The following TRERF1 variants were observed in gnomAD, a reference collection of about 807,000 sequenced individuals.
TRERF1 encodes transcriptional-regulating factor 1.
In TRERF1, 27 loss-of-function variants were observed where a neutral mutation model predicts 122.9. The observed-to-expected ratio is 0.22, with a 90% CI of 0.16 to 0.30. The LOEUF (loss-of-function observed/expected upper bound fraction) is 0.30, where lower values mean the gene tolerates loss of function less well. TRERF1 is among the 10% of genes least tolerant of loss of function. The pLI, the probability that TRERF1 is intolerant of heterozygous loss-of-function variation, is 1.00. For missense variants in TRERF1, 1,248 were observed against 1,560.3 expected, an observed-to-expected ratio of 0.80 and a Z score of 3.37; for synonymous variants, 636 against 641.7, an observed-to-expected ratio of 0.99 and a Z score of 0.13.
chr6:42,388,881 T>C (rs946260954), intron 2 of TRERF1, among the ~76,000 whole-genome samples: 1 of 151,578 alleles, frequency 6.6e-6, no homozygotes, highest in Admixed American at 6.6e-5. Flanking sequence ...AAAACAGAAA[T>C]GAAACCACAG....
intron 3 of TRERF1, among the ~76,000 whole-genome samples, chr6:42,354,799 C>T (rs1460082199): frequency 6.6e-6 from 1 of 152,004 alleles, no homozygotes; most frequent in African/African-American, 2.4e-5. Flanking sequence ...TTTTAATATC[C>T]AATAGATCTA....
At chr6:42,356,468 G>A (rs1214041225) in intron 3 of TRERF1, among the ~76,000 whole-genome samples, 2 of 152,222 alleles carry the variant, frequency 1.3e-5, no homozygotes, top group Non-Finnish European at 1.5e-5. Flanking sequence ...ACAGCAAGAT[G>A]GCTCTCACTC....
intron 2 of TRERF1, among the ~76,000 whole-genome samples, chr6:42,384,741 A>G (rs763938306): frequency 3.9e-5 from 6 of 152,054 alleles, no homozygotes; most frequent in Admixed American, 3.3e-4. Context: ...CTCTATTCCT[A>G]TAAGTACCCA....
chr6:42,409,723 T>C (rs1396999127), intron 2 of TRERF1, among the ~76,000 whole-genome samples: 1 of 152,248 alleles, frequency 6.6e-6, no homozygotes, highest in East Asian at 1.9e-4. Context: ...TATATTGTTA[T>C]GACAAGCATC....
intron 2 of TRERF1, among the ~76,000 whole-genome samples, chr6:42,427,112 G>A (rs1783732816): frequency 6.6e-6 from 1 of 151,722 alleles, no homozygotes; most frequent in Non-Finnish European, 1.5e-5. Context: ...CTTGAGGCCA[G>A]AAGCTCGAGA....
chr6:42,347,938 G>C (rs960200452), intron 3 of TRERF1, among the ~76,000 whole-genome samples: 50 of 152,210 alleles, frequency 3.3e-4, no homozygotes, highest in African/African-American at 1.2e-3. Context: ...ACAGGTATCT[G>C]TGATTTTTCT....
At chr6:42,381,895 G>C (rs1562103199) in intron 2 of TRERF1, among the ~76,000 whole-genome samples, 1 of 149,594 alleles carries the variant, frequency 6.7e-6, no homozygotes. Context: ...CCACAGGACT[G>C]AAGAGGAGGG....
chr6:42,403,204 A>G lies in TRERF1; in HGVS notation c.-453-40125T>C, dbSNP rs889629490. On this transcript the variant is annotated intron_variant, in intron 2 of 17. Coordinates refer to ENST00000372922, the Ensembl canonical transcript of TRERF1. ...GTGGGAGGGAAATAAGGCCCAAAAA[A>G]GCAGGTAAAAACGAGGCTGGTGCTA... is the stretch of plus-strand genomic sequence containing the variant. Among the ~76,000 whole-genome samples the G allele has an allele frequency of 3.3e-5, 5 of 152,252 alleles. No individual in the cohort carries two copies. The East Asian group carries it at 9.7e-4, about 29-fold the overall frequency.
intron 17 of TRERF1, among the ~76,000 whole-genome samples, chr6:42,230,774 T>G (rs1393967634): frequency 6.6e-6 from 1 of 152,088 alleles, no homozygotes; most frequent in Non-Finnish European, 1.5e-5. Flanking sequence ...TCCCTGTGCT[T>G]CATGGGGGGA....
intron 15 of TRERF1, among the ~76,000 whole-genome samples, chr6:42,239,856 TTTC>T (rs1418346698): frequency 1.3e-5 from 2 of 151,666 alleles, no homozygotes; most frequent in East Asian, 3.9e-4. Flanking sequence ...TAATCAAGAT[TTTC>T]TTGTTTTTTT....
rs148576927 is a variant in TRERF1, at chr6:42,309,477, G to A, written c.-370-8728C>T. On this transcript the variant is annotated intron_variant, in intron 3 of 17. Coordinates refer to ENST00000372922, the Ensembl canonical transcript of TRERF1. ...CTTCAACAAGCTCTTTCAGGCAGCA[G>A]GAATCTCATCTCTGTGTTATATGTG... is the stretch of plus-strand genomic sequence containing the variant. Among the ~76,000 whole-genome samples, 28 of 152,344 alleles carry A rather than the reference G, an allele frequency of 1.8e-4. No homozygotes were observed. The South Asian group carries it at 2.7e-3, about 15-fold the overall frequency.
chr6:42,349,340 C>T (rs1167034493), intron 3 of TRERF1, among the ~76,000 whole-genome samples: 4 of 151,954 alleles, frequency 2.6e-5, no homozygotes, highest in Admixed American at 2.0e-4. Flanking sequence ...GGTAAAGCCT[C>T]ACCTGAGGCC....
chr6:42,374,700 C>T (rs1484130679), intron 2 of TRERF1, among the ~76,000 whole-genome samples: 2 of 152,024 alleles, frequency 1.3e-5, no homozygotes, highest in African/African-American at 2.4e-5. Flanking sequence ...GAAATGTGAA[C>T]GGCAGTGTTT....
chr6:42,334,848 G>C (rs886990418), intron 3 of TRERF1, among the ~76,000 whole-genome samples: 1 of 152,252 alleles, frequency 6.6e-6, no homozygotes, highest in Non-Finnish European at 1.5e-5. Context: ...GTGTGCTTGA[G>C]TGAGGCATCG....
intron 10 of TRERF1, among the ~76,000 whole-genome samples, chr6:42,257,771 C>G (rs1355804165): frequency 6.6e-6 from 1 of 152,206 alleles, no homozygotes; most frequent in Admixed American, 6.5e-5. Flanking sequence ...ATTTGGAGGA[C>G]TGGCCAAGAA....
intron 3 of TRERF1, among the ~76,000 whole-genome samples, chr6:42,329,993 GA>G (rs911936295): frequency 1.1e-4 from 16 of 150,236 alleles, no homozygotes; most frequent in South Asian, 2.1e-4. Flanking sequence ...TGTCTTGGGG[GA>G]AAAAAAAAGT....
At chr6:42,270,771 T>C (rs1048590056) in intron 4 of TRERF1, among the ~76,000 whole-genome samples, 2,586 of 139,146 alleles carry the variant, frequency 0.019, 62 homozygotes, top group African/African-American at 0.07. Context: ...CTCATCTCTT[T>C]TTTTTTTTTT....
In TRERF1 at chr6:42,376,233, C is replaced by G. The variant is rs139808002; in HGVS notation, c.-453-13154G>C. 5.8e-4 allele frequency among the ~76,000 whole-genome samples: 88 copies of G among 152,328 alleles called. 1 individual carries two copies. Among genetic ancestry groups the G allele is most frequent in the African/African-American group, 2.0e-3 (82 of 41,582 alleles). ...TCTTACTTGGAATTCTAAAATTAAA[C>G]GTTCATTCCTCTCACCTAAAAGGTT... On this transcript the variant is annotated intron_variant, in intron 2 of 17. Coordinates refer to ENST00000372922, the Ensembl canonical transcript of TRERF1.
At chr6:42,420,990 G>A (rs916703894) in intron 2 of TRERF1, among the ~76,000 whole-genome samples, 13 of 152,258 alleles carry the variant, frequency 8.5e-5, no homozygotes, top group African/African-American at 2.4e-4. Flanking sequence ...TCTTCCTACA[G>A]TAGAAGGTAG....
Sources: gnomAD v4.1 joint callset for allele counts (sites outside exome capture counted in the v4.1 genomes callset) on GRCh38, gnomAD v4.1.1 for gene constraint, MANE v1.5 for transcripts, NCBI Gene and HGNC (gene_info 2026-07-23, HGNC 2026-07-21) for gene names.